UGT1A8: variants seen among roughly 807,000 people sequenced by gnomAD.
UGT1A8 encodes UDP-glucuronosyltransferase 1A8.
A neutral mutation model predicts 45.3 loss-of-function variants in UGT1A8; 39 were observed. The ratio of observed to expected loss-of-function variants is 0.86; its 90% CI spans 0.67 to 1.12. The LOEUF (loss-of-function observed/expected upper bound fraction) is 1.12, where lower values mean the gene tolerates loss of function less well. Ranked by LOEUF, UGT1A8 falls within the 50% of genes most tolerant of loss-of-function variation. The pLI is 0.00. For synonymous variants in UGT1A8, 275 were observed against 249.2 expected (o/e 1.10, Z -0.97); for missense variants, 719 against 664.9 (o/e 1.08, Z -0.90).
Position 233,767,101 on chromosome 2 carries a change from T to C in UGT1A8, c.923T>C (p.Val308Ala). ...GIVVFSLGSM[V>A]SEIPEKKAMA... ...GTGGTTTTCTCTTTGGGATCAATGG[T>C]CTCAGAAATTCCAGAGAAGAAAGCT... Residue 308 changes from valine to alanine, a missense_variant, in exon 2 of 5, where the codon GTC (valine) becomes GCC (alanine). Val to Ala is a moderately conservative substitution (Grantham distance 64). Coordinates refer to ENST00000373450, the MANE Select transcript of UGT1A8 (RefSeq NM_019076.5). The C allele has an allele frequency of 6.2e-7, 1 of 1,614,160 alleles. No individual in the cohort carries two copies. The highest frequency in any genetic ancestry group is 8.5e-7 in the Non-Finnish European group (1 of 1,180,020).
intron 1 of UGT1A8, chr2:233,719,281 T>A (rs773168968): frequency 6.2e-7 from 1 of 1,614,134 alleles, no homozygotes; most frequent in Admixed American, 1.7e-5. Flanking sequence ...ACAGACCCCG[T>A]TAACCTCTGT....
intron 1 of UGT1A8, among the ~76,000 whole-genome samples, chr2:233,749,817 TTCTC>T (rs1694278787): frequency 1.3e-5 from 2 of 151,900 alleles, no homozygotes; most frequent in Non-Finnish European, 2.9e-5. Flanking sequence ...CTCTTCCTCT[TTCTC>T]TCTTTCATGT....
intron 1 of UGT1A8, among the ~76,000 whole-genome samples, chr2:233,645,725 C>T (rs948730662): frequency 2.6e-5 from 4 of 152,238 alleles, no homozygotes; most frequent in Admixed American, 6.5e-5. Context: ...TCTTAGGCAG[C>T]TCCACCCCTG....
chr2:233,718,890 C>A (rs6755571), intron 1 of UGT1A8: 85,148 of 1,613,968 alleles, frequency 0.053, 2,693 homozygotes, highest in Non-Finnish European at 0.063. Flanking sequence ...CAGTGTCCAG[C>A]CCTGGGCTGA....
intron 1 of UGT1A8, among the ~76,000 whole-genome samples, chr2:233,658,752 C>T (rs1231435390): frequency 1.3e-5 from 2 of 152,190 alleles, no homozygotes; most frequent in Non-Finnish European, 2.9e-5. Context: ...ACTGAATTGT[C>T]TTTGCACTTT....
chr2:233,669,104 C>T (rs1308459698), intron 1 of UGT1A8, among the ~76,000 whole-genome samples: 1 of 152,186 alleles, frequency 6.6e-6, no homozygotes, highest in Non-Finnish European at 1.5e-5. Flanking sequence ...GTCATCTTTT[C>T]CCCACAGAAT....
chr2:233,713,899 A>G, intron 1 of UGT1A8: 3 of 1,613,038 alleles, frequency 1.9e-6, no homozygotes, highest in Non-Finnish European at 2.5e-6. Flanking sequence ...TTCCAGGCAA[A>G]ACACTTTTTA....
At chr2:233,675,757 C>G (rs1296567461) in intron 1 of UGT1A8, among the ~76,000 whole-genome samples, 1 of 152,060 alleles carries the variant, frequency 6.6e-6, no homozygotes, top group Non-Finnish European at 1.5e-5. Flanking sequence ...TTTATTCTAT[C>G]TTTTTAAAGA....
intron 1 of UGT1A8, among the ~76,000 whole-genome samples, chr2:233,640,158 C>T (rs900620456): frequency 3.9e-5 from 6 of 152,106 alleles, no homozygotes; most frequent in African/African-American, 1.4e-4. Context: ...AAGACTAAGG[C>T]CTCCCACTAA....
At chr2:233,750,259 G>A (rs1161591814) in intron 1 of UGT1A8, among the ~76,000 whole-genome samples, 1 of 151,924 alleles carries the variant, frequency 6.6e-6, no homozygotes, top group Non-Finnish European at 1.5e-5. Flanking sequence ...GGTCACCCTT[G>A]CTATGCTTTA....
At chr2:233,623,820 A>T (rs576220861) in intron 1 of UGT1A8, among the ~76,000 whole-genome samples, 1 of 152,266 alleles carries the variant, frequency 6.6e-6, no homozygotes, top group East Asian at 1.9e-4. Context: ...TCTCTTCAAC[A>T]GAAGACCCAC....
chr2:233,765,343 C>G (rs189255390), intron 1 of UGT1A8, among the ~76,000 whole-genome samples: 22 of 152,252 alleles, frequency 1.4e-4, no homozygotes, highest in African/African-American at 5.3e-4. Flanking sequence ...ATAACAAAGT[C>G]ATGGAACCAA....
intron 1 of UGT1A8, among the ~76,000 whole-genome samples, chr2:233,717,495 T>C (rs979410742): frequency 1.3e-5 from 2 of 152,220 alleles, no homozygotes; most frequent in Admixed American, 6.5e-5. Flanking sequence ...CTGTTATCAA[T>C]GTGGATTTCT....
chr2:233,657,960 T>C (rs1000071598), intron 1 of UGT1A8, among the ~76,000 whole-genome samples: 1 of 152,122 alleles, frequency 6.6e-6, no homozygotes, highest in Non-Finnish European at 1.5e-5. Flanking sequence ...TTTAGATTTA[T>C]GCAAGGTTGC....
At chr2:233,682,685 A>G (rs745965167) in intron 1 of UGT1A8, 2 of 1,613,842 alleles carry the variant, frequency 1.2e-6, no homozygotes, top group East Asian at 2.2e-5. Context: ...CCACACATCA[A>G]TTTGGTTGTT....
At chr2:233,719,615 C>A (rs2076787703) in intron 1 of UGT1A8, 1 of 1,614,016 alleles carries the variant, frequency 6.2e-7, no homozygotes, top group Non-Finnish European at 8.5e-7. Flanking sequence ...TGATGGACTA[C>A]CCCAGGCCGA....
At chr2:233,726,985 G>C (rs1185524522) in intron 1 of UGT1A8, among the ~76,000 whole-genome samples, 1 of 152,130 alleles carries the variant, frequency 6.6e-6, no homozygotes, top group African/African-American at 2.4e-5. Flanking sequence ...TTTTGATGAG[G>C]TTCTTTCTAG....
chr2:233,676,291 C>A (rs2074354291), intron 1 of UGT1A8, among the ~76,000 whole-genome samples: 1 of 152,174 alleles, frequency 6.6e-6, no homozygotes, highest in Non-Finnish European at 1.5e-5. Flanking sequence ...AGGGGTCCTG[C>A]AAATATTTTC....
chr2:233,739,341 C>T (rs1254802049), intron 1 of UGT1A8, among the ~76,000 whole-genome samples: 1 of 152,148 alleles, frequency 6.6e-6, no homozygotes, highest in Non-Finnish European at 1.5e-5. Flanking sequence ...TCCTTCAGAA[C>T]CCAGAAGGGC....
Sources: allele counts gnomAD v4.1 joint callset (sites outside exome capture counted in the v4.1 genomes callset), GRCh38; gene constraint gnomAD v4.1.1; transcripts MANE v1.5; gene names NCBI Gene and HGNC (gene_info 2026-07-23, HGNC 2026-07-21).